ADCY5: variants seen among roughly 807,000 people sequenced by gnomAD.
The protein encoded by ADCY5 is adenylate cyclase 5, also known as adenylate cyclase type 5.
A neutral mutation model predicts 119.7 loss-of-function variants in ADCY5; 30 were observed. That is an observed-to-expected ratio of 0.25 (90% CI 0.19 to 0.34). ADCY5 has a LOEUF of 0.34. Ranked by LOEUF, ADCY5 falls within the 10% of genes least tolerant of loss-of-function variation. The pLI, the probability that ADCY5 is intolerant of heterozygous loss-of-function variation, is 1.00. For missense variants in ADCY5, 1,324 were observed against 1,775.2 expected (o/e 0.75, Z 4.57); for synonymous variants, 753 against 762.2 (o/e 0.99, Z 0.20).
chr3:123,327,499 G>T, intron 7 of ADCY5, 119 bp downstream of exon 7: 1 of 1,110,562 alleles, frequency 9.0e-7, no homozygotes. Flanking sequence ...TGCAGGAACC[G>T]CAACTGCATA....
chr3:123,371,431 C>T (rs1351277868), intron 1 of ADCY5, among the ~76,000 whole-genome samples: 1 of 152,252 alleles, frequency 6.6e-6, no homozygotes, highest in East Asian at 1.9e-4. Flanking sequence ...AGAGCTCCAA[C>T]CAGTCGATCG....
chr3:123,338,629 T>C (rs972269976), intron 3 of ADCY5, among the ~76,000 whole-genome samples: 1 of 151,822 alleles, frequency 6.6e-6, no homozygotes, highest in African/African-American at 2.4e-5. Flanking sequence ...TCATGGCGGG[T>C]GCACAGAACT....
chr3:123,300,241 T>A lies in ADCY5; in HGVS notation c.2779A>T (p.Ile927Phe). ...SLLACSVFLQ[I>F]SCIGKLVLML... ...AGCACCAGCTTCCCGATGCAGCTGA[T>A]CTGCAGGAACACGGAGCAGGCCAGC... The change falls in exon 15 of 21, where the codon ATC becomes TTC. Residue 927 changes from isoleucine (I) to phenylalanine (F), a missense_variant. Coordinates refer to ENST00000462833, the MANE Select transcript of ADCY5 (RefSeq NM_183357.3). 2 of 1,613,722 alleles carry A rather than the reference T, an allele frequency of 1.2e-6. No homozygotes were observed. The highest frequency in any genetic ancestry group is 8.5e-7 in the Non-Finnish European group (1 of 1,180,040).
Position 123,291,204 on chromosome 3 carries a change from T to C in ADCY5, c.3236A>G (p.Asn1079Ser), listed in dbSNP as rs758082972. ...CAGCTCAACGTAGAACTCGGAGAAG[T>C]TGGCGATGGAGGCGAACATGACCGC... ...CVAVMFASIA[N>S]FSEFYVELEA... Residue 1079 changes from asparagine (N) to serine (S), a missense_variant, in exon 18 of 21, where the codon AAC becomes AGC. This residue lies in a region of ADCY5 where 178 missense variants were observed against 329.6 expected (regional missense o/e 0.54). Transcript: ENST00000462833. The C allele has an allele frequency of 1.9e-6, 3 of 1,614,064 alleles. No homozygotes were observed. The highest frequency in any genetic ancestry group is 2.5e-6 in the Non-Finnish European group (3 of 1,180,030).
At chr3:123,396,675 TAAG>T (rs1353019179) in intron 1 of ADCY5, among the ~76,000 whole-genome samples, 1 of 65,288 alleles carries the variant, frequency 1.5e-5, no homozygotes, top group African/African-American at 6.0e-5. Flanking sequence ...AGACGGAAAA[TAAG>T]AACAAAAGAA....
At chr3:123,373,112 A>G (rs1576635335) in intron 1 of ADCY5, among the ~76,000 whole-genome samples, 1 of 152,190 alleles carries the variant, frequency 6.6e-6, no homozygotes, top group East Asian at 1.9e-4. Context: ...AGTCTCATGG[A>G]GCTGCCAGTA....
Position 123,350,275 on chromosome 3 carries a change from C to T in ADCY5, c.1284+2157G>A, listed in dbSNP as rs569074008. On this transcript the variant is annotated intron_variant, in intron 2 of 20. Coordinates refer to ENST00000462833, the MANE Select transcript of ADCY5 (RefSeq NM_183357.3). Reference sequence around the variant, plus strand: ...TGTGAGGAGAGGCCACCTTGGGGACCGGAGCTGCGTCTTGTCCAGTGCCAC... The same window carrying T: ...TGTGAGGAGAGGCCACCTTGGGGACTGGAGCTGCGTCTTGTCCAGTGCCAC... Among the ~76,000 whole-genome samples the T allele has an allele frequency of 3.3e-5, 5 of 152,262 alleles. 1 individual carries two copies. Among genetic ancestry groups the T allele is most frequent in the African/African-American group, 4.8e-5 (2 of 41,554 alleles).
intron 19 of ADCY5, 196 bp from the exon 20 acceptor site, chr3:123,287,005 G>A: frequency 2.9e-6 from 2 of 688,078 alleles, no homozygotes; most frequent in Non-Finnish European, 4.5e-6. Context: ...AAGACACAAG[G>A]AGCCTGCACC....
intron 1 of ADCY5, among the ~76,000 whole-genome samples, chr3:123,434,148 CTG>C (rs1363673833): frequency 6.6e-6 from 1 of 152,232 alleles, no homozygotes; most frequent in Non-Finnish European, 1.5e-5. Flanking sequence ...ACTGCCCTAA[CTG>C]TGAAAAGAGC....
chr3:123,401,807 C>A (rs958163681), intron 1 of ADCY5, among the ~76,000 whole-genome samples: 1 of 152,064 alleles, frequency 6.6e-6, no homozygotes, highest in Non-Finnish European at 1.5e-5. Flanking sequence ...TAGCTCTTAC[C>A]GAACCTACCT....
intron 1 of ADCY5, among the ~76,000 whole-genome samples, chr3:123,425,273 G>A (rs2107641423): frequency 6.6e-6 from 1 of 152,282 alleles, no homozygotes; most frequent in South Asian, 2.1e-4. Flanking sequence ...CATGGGTCCT[G>A]CCTCACCTAG....
At chr3:123,284,809 C>T (rs958538454) in intron 20 of ADCY5, 73 bp from the exon 21 acceptor site, 3 of 1,589,772 alleles carry the variant, frequency 1.9e-6, no homozygotes, top group African/African-American at 2.7e-5. Flanking sequence ...GGTAGAGCCA[C>T]CTCTGACTGC....
At chr3:123,323,051 C>G (rs1941301269) in intron 8 of ADCY5, among the ~76,000 whole-genome samples, 1 of 152,222 alleles carries the variant, frequency 6.6e-6, no homozygotes, top group Non-Finnish European at 1.5e-5. Flanking sequence ...ACTGAGGAAC[C>G]TGTCTTCATC....
At chr3:123,330,394 G>C (rs1054560707) in intron 5 of ADCY5, among the ~76,000 whole-genome samples, 12 of 152,194 alleles carry the variant, frequency 7.9e-5, no homozygotes, top group Admixed American at 3.3e-4. Flanking sequence ...TTTTGCTATG[G>C]CTCACAGGCA....
intron 2 of ADCY5, among the ~76,000 whole-genome samples, chr3:123,351,748 C>T (rs1942845247): frequency 1.3e-5 from 2 of 152,206 alleles, no homozygotes; most frequent in African/African-American, 4.8e-5. Flanking sequence ...ACTCCGCCCC[C>T]AAAGAGGGAA....
At chr3:123,415,996 T>C (rs1026375649) in intron 1 of ADCY5, among the ~76,000 whole-genome samples, 3 of 152,072 alleles carry the variant, frequency 2.0e-5, no homozygotes, top group African/African-American at 4.8e-5. Context: ...AGGTATACGG[T>C]AGTTCATTAT....
intron 3 of ADCY5, among the ~76,000 whole-genome samples, chr3:123,338,026 G>C (rs981910522): frequency 2.6e-5 from 4 of 152,192 alleles, no homozygotes; most frequent in African/African-American, 9.6e-5. Flanking sequence ...CGGAACCAGT[G>C]GCTGAACAGG....
At chr3:123,331,452 T>G (rs182462078) in intron 4 of ADCY5, among the ~76,000 whole-genome samples, 1 of 152,368 alleles carries the variant, frequency 6.6e-6, no homozygotes, top group African/African-American at 2.4e-5. Flanking sequence ...AAAAGTTGTC[T>G]GATTCTCCTC....
intron 1 of ADCY5, among the ~76,000 whole-genome samples, chr3:123,358,611 C>A (rs1399328796): frequency 3.9e-5 from 6 of 152,096 alleles, no homozygotes; most frequent in African/African-American, 1.4e-4. Context: ...AAAACAACAA[C>A]AACAAAAAGT....
Sources: gnomAD v4.1 joint callset for allele counts (sites outside exome capture counted in the v4.1 genomes callset) on GRCh38, gnomAD v4.1.1 for gene constraint, gnomAD v4.1.1 regional missense constraint, MANE v1.5 for transcripts, NCBI Gene and HGNC (gene_info 2026-07-23, HGNC 2026-07-21) for gene names.